Variants in PAM observed in about 807,000 individuals in gnomAD.
PAM encodes peptidylglycine alpha-amidating monooxygenase.
In PAM, 72 loss-of-function variants were observed where a neutral mutation model predicts 122.1. The observed-to-expected ratio is 0.59, with a 90% CI of 0.49 to 0.72. The LOEUF (loss-of-function observed/expected upper bound fraction) is 0.72. Among genes scored for constraint, PAM ranks in the 30% least tolerant of loss-of-function variants. The pLI is 0.00. For synonymous variants in PAM, 389 were observed against 404.4 expected (o/e 0.96, Z 0.46); for missense variants, 1,106 against 1,183.7 (o/e 0.93, Z 0.96).
chr5:103,025,742 C>T (rs1784772166), intron 24 of PAM, among the ~76,000 whole-genome samples: 1 of 152,048 alleles, frequency 6.6e-6, no homozygotes, highest in South Asian at 2.1e-4. Context: ...TGTTTTTCTC[C>T]CATTAGGCTC....
At chr5:102,895,518 C>A (rs1270485760) in intron 3 of PAM, among the ~76,000 whole-genome samples, 1 of 151,506 alleles carries the variant, frequency 6.6e-6, no homozygotes, top group African/African-American at 2.4e-5. Context: ...TAAAGGTAGG[C>A]AAGTATTAAT....
At chr5:102,895,757 T>A (rs977725881) in intron 3 of PAM, among the ~76,000 whole-genome samples, 2 of 151,612 alleles carry the variant, frequency 1.3e-5, no homozygotes, top group Non-Finnish European at 3.0e-5. Flanking sequence ...AGAAATATGG[T>A]GTTTGGGGTA....
intron 1 of PAM, among the ~76,000 whole-genome samples, chr5:102,803,239 A>G (rs1765366148): frequency 6.6e-6 from 1 of 151,278 alleles, no homozygotes; most frequent in African/African-American, 2.4e-5. Flanking sequence ...GGAAGGGAAA[A>G]GTAATGCACT....
Position 103,019,945 on chromosome 5 carries a change from T to C in PAM, c.2485+102T>C. The C allele has an allele frequency of 1.5e-5, 12 of 789,192 alleles. No homozygotes were observed. In the South Asian group the frequency reaches 1.6e-4, roughly 11 times the overall value. 48.9% of individuals were successfully genotyped at this position (789,192 alleles called of 1,614,324 possible). The stretch of plus-strand genomic sequence containing the variant: ...TTAAAAAATTACCAGGCTAAAAATA[T>C]AATCTGGTAAATTATCAGTGACTTC... On this transcript the variant is annotated intron_variant, in intron 23 of 25. Coordinates refer to ENST00000438793, the MANE Select transcript of PAM (RefSeq NM_001177306.2).
At chr5:102,995,816 A>G (rs1159037702) in intron 16 of PAM, among the ~76,000 whole-genome samples, 1 of 151,750 alleles carries the variant, frequency 6.6e-6, no homozygotes, top group African/African-American at 2.4e-5. Flanking sequence ...ACTTTTTACA[A>G]TGTGTCTATT....
At chr5:103,030,326 T>A (rs1359067109), downstream of PAM, 1 of 152,250 alleles carries the variant, frequency 6.6e-6, no homozygotes. Context: ...CAGATTAGTT[T>A]TAAAACGTCT....
chr5:102,905,540 C>T (rs1311809589), intron 4 of PAM, among the ~76,000 whole-genome samples: 1 of 151,556 alleles, frequency 6.6e-6, no homozygotes, highest in Non-Finnish European at 1.5e-5. Context: ...AAGTGATGTC[C>T]AGATACTTTG....
chr5:102,933,370 A>G (rs1414382671), intron 7 of PAM, among the ~76,000 whole-genome samples: 1 of 152,236 alleles, frequency 6.6e-6, no homozygotes, highest in Non-Finnish European at 1.5e-5. Context: ...ATGGGGATTA[A>G]AAAATACAAT....
intron 5 of PAM, among the ~76,000 whole-genome samples, chr5:102,915,160 G>C (rs78829943): frequency 2.0e-5 from 3 of 152,056 alleles, no homozygotes; most frequent in Non-Finnish European, 1.5e-5. Flanking sequence ...GAAATGACTG[G>C]TGTGCTTTGC....
chr5:102,856,852 C>T (rs1235963014), intron 1 of PAM, among the ~76,000 whole-genome samples: 1 of 152,030 alleles, frequency 6.6e-6, no homozygotes, highest in Non-Finnish European at 1.5e-5. Flanking sequence ...TTCAAATTGG[C>T]TGCATGTTAG....
intron 3 of PAM, among the ~76,000 whole-genome samples, chr5:102,893,955 A>T (rs1372137561): frequency 2.0e-5 from 3 of 150,792 alleles, no homozygotes; most frequent in African/African-American, 7.3e-5. Context: ...CGCTGTTTTT[A>T]TTGTTTGTTT....
At position 102,890,572 on chromosome 5, in the gene PAM, C is replaced by G. The variant is rs571248054; in HGVS notation, c.211-10784C>G. On this transcript the variant is annotated intron_variant, in intron 3 of 25. Transcript: ENST00000438793. ...TAGATATAAAACTTTTCTTGTAACA[C>G]CTACTCATGGTCATTGGACTACAGA... Among the ~76,000 whole-genome samples the G allele has an allele frequency of 4.0e-4, 61 of 151,942 alleles. 1 individual carries two copies. In the South Asian group the frequency reaches 8.7e-3, roughly 22 times the overall value.
At chr5:102,758,087 T>TG (rs1751117455) in intron 1 of PAM, among the ~76,000 whole-genome samples, 4 of 44,308 alleles carry the variant, frequency 9.0e-5, no homozygotes, top group Non-Finnish European at 2.1e-4. Context: ...TTTTTTTTTT[T>TG]TTTTTTTTTT....
chr5:102,784,561 T>C (rs1759979870), intron 1 of PAM, among the ~76,000 whole-genome samples: 1 of 152,216 alleles, frequency 6.6e-6, no homozygotes, highest in Non-Finnish European at 1.5e-5. Context: ...TGAGGACAGG[T>C]ACCATCTCTG....
intron 3 of PAM, among the ~76,000 whole-genome samples, chr5:102,898,153 G>C (rs979396311): frequency 5.9e-5 from 9 of 151,482 alleles, no homozygotes; most frequent in South Asian, 2.1e-4. Flanking sequence ...TCAGTAAAAA[G>C]GCATCAGCAA....
At chr5:102,909,144 C>T (rs1337998651) in intron 4 of PAM, among the ~76,000 whole-genome samples, 1 of 151,546 alleles carries the variant, frequency 6.6e-6, no homozygotes, top group Non-Finnish European at 1.5e-5. Context: ...CACACCTTCC[C>T]AATTCTCTCA....
intron 1 of PAM, among the ~76,000 whole-genome samples, chr5:102,779,918 T>TATATATATATTTATATATACACACAC (rs147065045): frequency 1.0e-5 from 1 of 95,704 alleles, no homozygotes; most frequent in Non-Finnish European, 2.0e-5. Context: ...TATATATATA[T>TATATATATATTTATATATACACACAC]ACACACATAT....
intron 1 of PAM, among the ~76,000 whole-genome samples, chr5:102,829,558 T>G (rs1774787901): frequency 6.6e-6 from 1 of 152,100 alleles, no homozygotes; most frequent in Non-Finnish European, 1.5e-5. Context: ...GTATTTTTAG[T>G]AGAGACGAGG....
intron 14 of PAM, among the ~76,000 whole-genome samples, chr5:102,963,236 A>T (rs1763044575): frequency 1.3e-5 from 2 of 151,930 alleles, no homozygotes. Context: ...TACCAAATGC[A>T]CATTTGTACA....
Sources: gnomAD v4.1 joint callset for allele counts (sites outside exome capture counted in the v4.1 genomes callset) on GRCh38, gnomAD v4.1.1 for gene constraint, MANE v1.5 for transcripts, NCBI Gene and HGNC (gene_info 2026-07-23, HGNC 2026-07-21) for gene names.